DMD: variants seen among roughly 807,000 people sequenced by gnomAD.
DMD encodes mutant dystrophin.
A neutral mutation model predicts 330.1 loss-of-function variants in DMD; 63 were observed. The ratio of observed to expected loss-of-function variants is 0.19; its 90% CI spans 0.16 to 0.24. The LOEUF is 0.24. Among genes scored for constraint, DMD ranks in the 10% least tolerant of loss-of-function variants. The pLI, the probability that DMD is intolerant of heterozygous loss-of-function variation, is 1.00. For missense variants in DMD, 3,344 were observed against 2,684.1 expected, an observed-to-expected ratio of 1.25 and a Z score of -5.43; for synonymous variants, 1,223 against 959.8, an observed-to-expected ratio of 1.27 and a Z score of -5.07.
intron 51 of DMD, among the ~76,000 whole-genome samples, chrX:31,744,357 C>A (rs1279020013): frequency 2.7e-5 from 3 of 111,641 alleles, no homozygotes; most frequent in Non-Finnish European, 5.6e-5. Flanking sequence ...TTGTGCCCGA[C>A]GGACTTGCTC....
intron 12 of DMD, among the ~76,000 whole-genome samples, chrX:32,609,834 G>C (rs1317098482): frequency 9.0e-6 from 1 of 111,089 alleles, no homozygotes; most frequent in Non-Finnish European, 1.9e-5. Context: ...TAAAGTCTTT[G>C]TTGATGCTGT....
At chrX:32,386,551 CT>C in intron 32 of DMD, 86 bp from the exon 33 acceptor site, 1 of 849,013 alleles carries the variant, frequency 1.2e-6, no homozygotes, top group South Asian at 2.3e-5. Context: ...TAGAGATCCC[CT>C]TAATTGCTAT....
chrX:33,085,305 C>T (rs1202552304), intron 1 of DMD, among the ~76,000 whole-genome samples: 1 of 110,598 alleles, frequency 9.0e-6, no homozygotes, highest in Non-Finnish European at 1.9e-5. Flanking sequence ...AAAGGCCTTA[C>T]AAAGATATAA....
At chrX:32,656,413 A>C (rs1206513218) in intron 9 of DMD, among the ~76,000 whole-genome samples, 2 of 111,815 alleles carry the variant, frequency 1.8e-5, no homozygotes, top group Admixed American at 1.9e-4. Context: ...ATTTAAGAGA[A>C]GTAAGTCTGA....
At chrX:33,097,940 A>G (rs374486197) in intron 1 of DMD, among the ~76,000 whole-genome samples, 2 of 111,364 alleles carry the variant, frequency 1.8e-5, no homozygotes, top group East Asian at 2.8e-4. Context: ...TAAGGGCTCA[A>G]TAGTCACATA....
At chrX:32,076,461 G>C (rs1323894562) in intron 44 of DMD, among the ~76,000 whole-genome samples, 3 of 105,169 alleles carry the variant, frequency 2.9e-5, no homozygotes, top group South Asian at 4.4e-4. Context: ...CTCACTGCAA[G>C]CTCCACCTCC....
rs181786231 is a variant in DMD at position 31,318,976 on chromosome X, T to C, written c.9224+4622A>G. On this transcript the variant is annotated intron_variant, in intron 62 of 78. Coordinates refer to ENST00000357033, the MANE Select transcript of DMD (RefSeq NM_004006.3). ...ATATAAGGTCAAACACTTTTGCTGG[T>C]ATTACAGAAAAGTAGCAGAAAACCA... 2.7e-5 allele frequency among the ~76,000 whole-genome samples: 3 copies of C among 112,306 alleles called. No individual in the cohort carries two copies. In the East Asian group the frequency reaches 8.3e-4, roughly 31 times the overall value.
At chrX:32,849,958 G>GA in intron 2 of DMD, 138 bp from the exon 3 acceptor site, 1 of 514,894 alleles carries the variant, frequency 1.9e-6, no homozygotes, top group South Asian at 3.3e-5. Flanking sequence ...GATGACGGAT[G>GA]AAAAAAGGAA....
chrX:31,857,386 A>G (rs1471032589), intron 48 of DMD, among the ~76,000 whole-genome samples: 2 of 52,128 alleles, frequency 3.8e-5, no homozygotes, highest in African/African-American at 1.1e-4. Context: ...CTCGGAAAAA[A>G]AAAAAAAAAA....
At chrX:31,749,507 T>C (rs1371303857) in intron 51 of DMD, among the ~76,000 whole-genome samples, 1 of 107,183 alleles carries the variant, frequency 9.3e-6, no homozygotes, top group African/African-American at 3.4e-5. Flanking sequence ...TATTCCATGG[T>C]GTATATGTGC....
intron 38 of DMD, among the ~76,000 whole-genome samples, chrX:32,346,876 T>G (rs2147044447): frequency 8.9e-6 from 1 of 112,021 alleles, no homozygotes; most frequent in South Asian, 3.6e-4. Flanking sequence ...ATGTGATTTT[T>G]CACCTTTAGT....
intron 2 of DMD, among the ~76,000 whole-genome samples, chrX:32,882,429 A>G (rs971450896): frequency 8.9e-6 from 1 of 112,283 alleles, no homozygotes; most frequent in Non-Finnish European, 1.9e-5. Context: ...ACCCTGGCTG[A>G]CACATCATCC....
intron 55 of DMD, among the ~76,000 whole-genome samples, chrX:31,569,624 GTATATACGTATATATATGTATATACGTA>G (rs1306346875): frequency 7.7e-4 from 74 of 96,670 alleles, no homozygotes; most frequent in Middle Eastern, 5.5e-3. Context: ...GTATATATAC[GTATATACGTATATATATGTATATACGTA>G]TATATACGTA....
At chrX:33,119,340 G>A (rs1395112099) in intron 1 of DMD, among the ~76,000 whole-genome samples, 2 of 112,268 alleles carry the variant, frequency 1.8e-5, no homozygotes, top group Non-Finnish European at 3.8e-5. Context: ...CTTTGCTAAG[G>A]CATCAGATGA....
intron 55 of DMD, among the ~76,000 whole-genome samples, chrX:31,542,531 G>A (rs2073893828): frequency 8.9e-6 from 1 of 112,079 alleles, no homozygotes; most frequent in Non-Finnish European, 1.9e-5. Context: ...AAATGCATGA[G>A]TTAATATACT....
At chrX:32,211,220 C>A (rs2097092548) in intron 44 of DMD, among the ~76,000 whole-genome samples, 1 of 111,905 alleles carries the variant, frequency 8.9e-6, no homozygotes, top group Admixed American at 9.5e-5. Flanking sequence ...ATTTTCCATT[C>A]TCTCTGGACA....
chrX:33,043,343 C>T (rs2094330955), intron 1 of DMD, among the ~76,000 whole-genome samples: 1 of 111,388 alleles, frequency 9.0e-6, no homozygotes, highest in Admixed American at 9.6e-5. Context: ...TCTTAAAATC[C>T]TCACGAAGGT....
At chrX:32,356,394 A>C (rs1381617590) in intron 37 of DMD, among the ~76,000 whole-genome samples, 4 of 107,935 alleles carry the variant, frequency 3.7e-5, no homozygotes, top group African/African-American at 1.3e-4. Context: ...AAAAAAAAAA[A>C]AAAAAAAAAA....
chrX:32,489,290 G>A (rs181781617), intron 20 of DMD, among the ~76,000 whole-genome samples: 1 of 109,786 alleles, frequency 9.1e-6, no homozygotes, highest in Admixed American at 9.8e-5. Flanking sequence ...TTTGGTGATA[G>A]GACTTTTAAG....
Sources: gnomAD v4.1 joint callset for allele counts (sites outside exome capture counted in the v4.1 genomes callset) on GRCh38, gnomAD v4.1.1 for gene constraint, MANE v1.5 for transcripts, NCBI Gene and HGNC (gene_info 2026-07-23, HGNC 2026-07-21) for gene names.